PTPRN2: variants seen among roughly 807,000 people sequenced by gnomAD.
PTPRN2 encodes protein tyrosine phosphatase receptor type N2.
A neutral mutation model predicts 118.8 loss-of-function variants in PTPRN2; 74 were observed. The ratio of observed to expected loss-of-function variants is 0.62; its 90% confidence interval spans 0.52 to 0.76. The LOEUF is 0.76. PTPRN2 is among the 30% of genes least tolerant of loss of function. The pLI is 0.00. For synonymous variants in PTPRN2, 641 were observed against 608.0 expected, an observed-to-expected ratio of 1.05 and a Z score of -0.80; for missense variants, 1,481 against 1,394.4, an observed-to-expected ratio of 1.06 and a Z score of -0.99.
intron 12 of PTPRN2, among the ~76,000 whole-genome samples, chr7:157,735,241 C>A (rs139360559): frequency 1.3e-5 from 2 of 152,226 alleles, no homozygotes; most frequent in South Asian, 2.1e-4. Flanking sequence ...GCAACTCTTG[C>A]GTGAATTTGG....
chr7:157,910,448 C>T (rs991349926), intron 11 of PTPRN2, among the ~76,000 whole-genome samples: 1 of 145,070 alleles, frequency 6.9e-6, no homozygotes, highest in African/African-American at 2.6e-5. Context: ...GGATCAGGCA[C>T]GTACGCCGGA....
intron 1 of PTPRN2, among the ~76,000 whole-genome samples, chr7:158,500,966 G>A (rs1822317401): frequency 6.6e-6 from 1 of 152,260 alleles, no homozygotes; most frequent in Admixed American, 6.5e-5. Context: ...GCGAGGGTGT[G>A]ACAGGCTCCG....
intron 2 of PTPRN2, among the ~76,000 whole-genome samples, chr7:158,468,482 G>GC (rs1819544779): frequency 7.0e-6 from 1 of 143,382 alleles, no homozygotes; most frequent in African/African-American, 2.6e-5. Flanking sequence ...CCCCCACCCC[G>GC]CCCCTCGCCG....
chr7:157,893,853 A>G lies in PTPRN2; in HGVS notation c.1788+4820T>C, dbSNP rs1796949218. Among the ~76,000 whole-genome samples, 1 of 152,162 alleles carries G rather than the reference A, an allele frequency of 6.6e-6. No homozygotes were observed. The highest frequency in any genetic ancestry group is 2.4e-5 in the African/African-American group (1 of 41,452). ...AGGGAGCCAGGCCCTGGAGAGTCCA[A>G]TCTGTAGAACTCACGGAGGAGGAGC... On this transcript the variant is annotated intron_variant, in intron 12 of 22. Coordinates refer to ENST00000389418, the MANE Select transcript of PTPRN2 (RefSeq NM_002847.5). This position sits in a 1 kb window ranked among gnomAD's most constrained non-coding sequence, Gnocchi z 4.0.
chr7:158,182,109 G>A (rs2150663502), intron 5 of PTPRN2, among the ~76,000 whole-genome samples: 1 of 152,206 alleles, frequency 6.6e-6, no homozygotes, highest in African/African-American at 2.4e-5. Context: ...GATAACTTGT[G>A]TCACTATTAT....
chr7:158,341,586 TGACACCCGCA>T (rs1806811216), intron 2 of PTPRN2, among the ~76,000 whole-genome samples: 1 of 75,412 alleles, frequency 1.3e-5, no homozygotes, highest in Non-Finnish European at 2.7e-5. Context: ...CCATAAGAGG[TGACACCCGCA>T]GACATCACTC....
chr7:158,157,522 G>A (rs12698160), intron 6 of PTPRN2, among the ~76,000 whole-genome samples: 93,711 of 151,758 alleles, frequency 0.62, 30,000 homozygotes, highest in East Asian at 0.78. Flanking sequence ...CTGCACTAGT[G>A]CAGAAGTCGG....
intron 12 of PTPRN2, among the ~76,000 whole-genome samples, chr7:157,873,043 G>A (rs372963205): frequency 6.6e-6 from 1 of 152,212 alleles, no homozygotes; most frequent in Non-Finnish European, 1.5e-5. Flanking sequence ...AACTGGCCAC[G>A]GAACAGGGGA....
chr7:158,402,985 C>T (rs1394972600), intron 2 of PTPRN2, among the ~76,000 whole-genome samples: 2 of 152,236 alleles, frequency 1.3e-5, no homozygotes, highest in Non-Finnish European at 2.9e-5. Flanking sequence ...GCACTGAAAA[C>T]CCATGAGCAG....
At chr7:158,344,593 A>G (rs553906286) in intron 2 of PTPRN2, among the ~76,000 whole-genome samples, 3 of 152,252 alleles carry the variant, frequency 2.0e-5, no homozygotes, top group Admixed American at 6.5e-5. Flanking sequence ...GGAAAACCAG[A>G]CTTTTCTAGC....
chr7:158,333,673 A>ATG (rs2151174862), intron 2 of PTPRN2, among the ~76,000 whole-genome samples: 1 of 143,302 alleles, frequency 7.0e-6, no homozygotes, highest in East Asian at 2.3e-4. Context: ...GCTGACACCC[A>ATG]CAGACATCAC....
At chr7:158,005,840 C>A (rs12113711) in intron 11 of PTPRN2, among the ~76,000 whole-genome samples, 1 of 152,134 alleles carries the variant, frequency 6.6e-6, no homozygotes, top group Non-Finnish European at 1.5e-5. Context: ...CAGTACACTG[C>A]GTCTAAAATG....
intron 1 of PTPRN2, among the ~76,000 whole-genome samples, chr7:158,585,988 CAG>C (rs984328249): frequency 6.6e-6 from 1 of 152,208 alleles, no homozygotes; most frequent in Non-Finnish European, 1.5e-5. Context: ...CAGGAGGAGG[CAG>C]AGTGAGCAAG....
chr7:158,561,107 T>G (rs183876274), intron 1 of PTPRN2, among the ~76,000 whole-genome samples: 393 of 152,360 alleles, frequency 2.6e-3, no homozygotes, highest in African/African-American at 9.0e-3. Flanking sequence ...TTGATCTTGA[T>G]GAATACTTGA....
In PTPRN2 at chr7:158,172,129, CCA is replaced by C. The variant is rs367546497; in HGVS notation, c.550-4840_550-4839del. On this transcript the variant is annotated intron_variant, in intron 5 of 22. Transcript: ENST00000389418. ...ATGACGAGAAGCAGAACCCACTCGC[CCA>C]CACACTGAAAAAGCCAGCAGGAAAG... 3.3e-4 allele frequency among the ~76,000 whole-genome samples: 50 copies of C among 152,248 alleles called. 1 individual carries two copies. The East Asian group carries it at 8.9e-3, about 27-fold the overall frequency.
At chr7:157,715,399 G>A (rs1299765719) in intron 12 of PTPRN2, among the ~76,000 whole-genome samples, 1 of 152,216 alleles carries the variant, frequency 6.6e-6, no homozygotes, top group Non-Finnish European at 1.5e-5. Context: ...AACAGAATGA[G>A]GCAAAGTGAT....
intron 12 of PTPRN2, among the ~76,000 whole-genome samples, chr7:157,793,854 A>G (rs988956133): frequency 3.3e-5 from 5 of 152,082 alleles, no homozygotes; most frequent in Admixed American, 6.5e-5. Flanking sequence ...GCAGAAGTCA[A>G]TTTCCTCCTT....
intron 11 of PTPRN2, among the ~76,000 whole-genome samples, chr7:158,019,873 C>G (rs1806738036): frequency 1.3e-5 from 2 of 152,216 alleles, no homozygotes; most frequent in African/African-American, 4.8e-5. Flanking sequence ...CACAGCGGCC[C>G]CCGGCATCCG....
chr7:157,718,783 C>A (rs549840582), intron 12 of PTPRN2, among the ~76,000 whole-genome samples: 10 of 152,144 alleles, frequency 6.6e-5, no homozygotes, highest in Non-Finnish European at 1.2e-4. Context: ...CACGTCCAGG[C>A]GTCCGCGGTG....
Sources: gnomAD v4.1 joint callset for allele counts (sites outside exome capture counted in the v4.1 genomes callset) on GRCh38, gnomAD v4.1.1 for gene constraint, Gnocchi (gnomAD v3.1) non-coding constraint, MANE v1.5 for transcripts, NCBI Gene and HGNC (gene_info 2026-07-23, HGNC 2026-07-21) for gene names.